Variants in DAPK1 observed in about 807,000 individuals in gnomAD.
The protein encoded by DAPK1 is death-associated protein kinase 1.
DAPK1 carries 56 observed loss-of-function variants against 144.9 expected under a neutral mutation model. The ratio of observed to expected loss-of-function variants is 0.39; its 90% CI spans 0.31 to 0.48. The LOEUF (loss-of-function observed/expected upper bound fraction) is 0.48, where lower values mean the gene tolerates loss of function less well. Among genes scored for constraint, DAPK1 ranks in the 20% least tolerant of loss-of-function variants. DAPK1 has a pLI of 0.95. For synonymous variants in DAPK1, 690 were observed against 749.0 expected (o/e 0.92, Z 1.29); for missense variants, 1,454 against 1,875.4 (o/e 0.78, Z 4.15).
At position 87,674,104 on chromosome 9, in the gene DAPK1, A is replaced by G. The variant is rs139614227; in HGVS notation, c.2001+5430A>G. ...TTTTACTATAATCACTGCAAGTTCC[A>G]TTCTTATCTGATTTTAAAATAAGAA... On this transcript the variant is annotated intron_variant, in intron 19 of 25. Coordinates refer to ENST00000408954, the MANE Select transcript of DAPK1 (RefSeq NM_004938.4). Among the ~76,000 whole-genome samples the G allele has an allele frequency of 1.6e-3, 250 of 152,244 alleles. 4 individuals carry two copies. In the East Asian group the frequency reaches 0.038, roughly 23 times the overall value.
At chr9:87,666,701 T>C (rs1262119541) in intron 18 of DAPK1, among the ~76,000 whole-genome samples, 1 of 152,108 alleles carries the variant, frequency 6.6e-6, no homozygotes, top group Non-Finnish European at 1.5e-5. Flanking sequence ...CTCAAACTTC[T>C]GACCTCAGAT....
chr9:87,684,022 G>A (rs1011725504), intron 20 of DAPK1, among the ~76,000 whole-genome samples: 2 of 152,208 alleles, frequency 1.3e-5, no homozygotes, highest in Admixed American at 6.5e-5. Flanking sequence ...ACTTGGAGGT[G>A]GATGAGACAG....
chr9:87,562,125 G>A (rs1826949689), intron 2 of DAPK1, among the ~76,000 whole-genome samples: 1 of 152,194 alleles, frequency 6.6e-6, no homozygotes, highest in Non-Finnish European at 1.5e-5. Flanking sequence ...TGCAGGGCAG[G>A]CCTCCTGCAG....
rs542910615 is a variant in DAPK1, at chr9:87,648,968, A to G, written c.1428+89A>G. On this transcript the variant is annotated intron_variant, in intron 15 of 25. Transcript: ENST00000408954. The stretch of plus-strand genomic sequence containing the variant: ...GTACAGTCGGGGCCTTTAGAGTTTT[A>G]TCCAAGCTAGGCTTTCTGTCTTCCC... 18 of 1,166,778 alleles carry G rather than the reference A, an allele frequency of 1.5e-5. No individual in the cohort carries two copies. The African/African-American group carries it at 2.6e-4, about 17-fold the overall frequency. The allele number at this position is 1,166,778 out of a possible 1,614,324, so 72.3% of individuals were successfully genotyped here. A position where few individuals can be genotyped will look rare whatever the true frequency, so the allele number is the denominator to read the frequency against.
intron 2 of DAPK1, among the ~76,000 whole-genome samples, chr9:87,582,557 CTTTT>C (rs10659497): frequency 1.4e-5 from 2 of 139,500 alleles, no homozygotes; most frequent in African/African-American, 2.7e-5. Context: ...AATTTTCCTG[CTTTT>C]TTTTTTTTTT....
At chr9:87,560,095 A>C (rs982984066) in intron 2 of DAPK1, among the ~76,000 whole-genome samples, 1 of 150,462 alleles carries the variant, frequency 6.6e-6, no homozygotes, top group Non-Finnish European at 1.5e-5. Context: ...GGTTCAAGCT[A>C]TTCTCCTGCC....
intron 2 of DAPK1, among the ~76,000 whole-genome samples, chr9:87,544,365 T>C (rs759250629): frequency 1.3e-5 from 2 of 152,244 alleles, no homozygotes; most frequent in Non-Finnish European, 2.9e-5. Flanking sequence ...AAATGCTTTT[T>C]GACAATGACA....
intron 2 of DAPK1, among the ~76,000 whole-genome samples, chr9:87,508,899 C>T (rs1027274188): frequency 2.6e-5 from 4 of 152,116 alleles, no homozygotes; most frequent in East Asian, 1.9e-4. Context: ...CGGAAGGATA[C>T]CATGGGACAG....
At chr9:87,619,801 G>T (rs1453033689) in intron 3 of DAPK1, among the ~76,000 whole-genome samples, 2 of 152,200 alleles carry the variant, frequency 1.3e-5, no homozygotes, top group Non-Finnish European at 2.9e-5. Context: ...GAGGTGGGCG[G>T]TTGAAAGTAA....
intron 19 of DAPK1, 138 bp downstream of exon 19, chr9:87,668,812 G>A (rs1831153023): frequency 1.5e-6 from 1 of 686,756 alleles, no homozygotes; most frequent in African/African-American, 1.8e-5. Context: ...CTGTCCTGTG[G>A]TTTACATGTC....
chr9:87,511,555 C>A (rs1337227438), intron 2 of DAPK1, among the ~76,000 whole-genome samples: 1 of 152,144 alleles, frequency 6.6e-6, no homozygotes, highest in East Asian at 1.9e-4. Context: ...CTTGGAAATG[C>A]TTTGAGGGAT....
At position 87,639,712 on chromosome 9, in the gene DAPK1, C is replaced by A. The variant is rs1318820591; in HGVS notation, c.602+14C>A. 9.3e-6 allele frequency: 15 copies of A among 1,613,506 alleles called. No individual in the cohort carries two copies. In the African/African-American group the frequency reaches 1.9e-4, roughly 20 times the overall value. The stretch of plus-strand genomic sequence containing the variant: ...GGCAGATATGTGGTAAGGAGTATGT[C>A]CTTGGTGTTGTTTGCTTTCTGATTT... On this transcript the variant is annotated intron_variant, in intron 6 of 25. Coordinates refer to ENST00000408954, the MANE Select transcript of DAPK1 (RefSeq NM_004938.4).
intron 2 of DAPK1, among the ~76,000 whole-genome samples, chr9:87,525,051 T>G (rs1006900532): frequency 6.6e-6 from 1 of 152,140 alleles, no homozygotes; most frequent in African/African-American, 2.4e-5. Context: ...ATAAAAAGAT[T>G]AAAAACAGAA....
At chr9:87,691,646 G>A (rs1825056912) in intron 21 of DAPK1, among the ~76,000 whole-genome samples, 1 of 151,754 alleles carries the variant, frequency 6.6e-6, no homozygotes, top group South Asian at 2.1e-4. Flanking sequence ...TTCCTTCTTA[G>A]CATTGCTTTG....
At chr9:87,604,379 C>T (rs914138489) in intron 2 of DAPK1, among the ~76,000 whole-genome samples, 4 of 151,994 alleles carry the variant, frequency 2.6e-5, no homozygotes, top group South Asian at 2.1e-4. Context: ...TACCTTGAGA[C>T]GGGAGGAGAG....
Position 87,571,452 on chromosome 9 carries a change from CACACACACACACACACACACACCA to C in DAPK1, c.63-33483_63-33460del, listed in dbSNP as rs1162690462. On this transcript the variant is annotated intron_variant, in intron 2 of 25. Transcript: ENST00000408954. ...CCACCCCCCAACACACACACACACA[CACACACACACACACACACACACCA>C]ACACACACACACACACACCCCAACA... Among the ~76,000 whole-genome samples the C allele has an allele frequency of 1.5e-3, 89 of 59,938 alleles. 2 individuals are homozygous for C. Among genetic ancestry groups the C allele is most frequent in the African/African-American group, 2.0e-3 (21 of 10,406 alleles). The allele number at this position is 59,938 out of a possible 152,430, so 39.3% of individuals were successfully genotyped here. A position where few individuals can be genotyped will look rare whatever the true frequency, so the allele number is the denominator to read the frequency against.
At chr9:87,596,272 C>T (rs758125505) in intron 2 of DAPK1, among the ~76,000 whole-genome samples, 3 of 152,308 alleles carry the variant, frequency 2.0e-5, no homozygotes, top group Admixed American at 6.5e-5. Flanking sequence ...AGTATAGATA[C>T]GCACTGGGCA....
At chr9:87,561,530 G>A (rs118126746) in intron 2 of DAPK1, among the ~76,000 whole-genome samples, 6 of 149,770 alleles carry the variant, frequency 4.0e-5, no homozygotes, top group Admixed American at 6.6e-5. Flanking sequence ...CGTCTCAAAA[G>A]AAAAAAAAAA....
intron 2 of DAPK1, among the ~76,000 whole-genome samples, chr9:87,550,980 T>C (rs1826459242): frequency 6.6e-6 from 1 of 152,198 alleles, no homozygotes; most frequent in African/African-American, 2.4e-5. Flanking sequence ...GGGACACATG[T>C]GGAAGGATGG....
Sources: gnomAD v4.1 joint callset for allele counts (sites outside exome capture counted in the v4.1 genomes callset) on GRCh38, gnomAD v4.1.1 for gene constraint, MANE v1.5 for transcripts, NCBI Gene and HGNC (gene_info 2026-07-23, HGNC 2026-07-21) for gene names.